Variants in TYW1B observed in about 807,000 individuals in gnomAD.
TYW1B encodes tRNA-yW synthesizing protein 1 homolog B.
A neutral mutation model predicts 86.9 loss-of-function variants in TYW1B; 73 were observed. The ratio of observed to expected loss-of-function variants is 0.84; its 90% CI spans 0.70 to 1.02. The LOEUF (loss-of-function observed/expected upper bound fraction) is 1.02. TYW1B is among the 50% of genes least tolerant of loss of function. The probability of loss-of-function intolerance (pLI) is 0.00; values close to 1 mark genes in which losing one functional copy is unlikely to be tolerated. For synonymous variants in TYW1B, 248 were observed against 292.8 expected (o/e 0.85, Z 1.56); for missense variants, 637 against 827.4 (o/e 0.77, Z 2.82).
chr7:72,631,799 A>G (rs1331297345), intron 11 of TYW1B, among the ~76,000 whole-genome samples: 5 of 152,112 alleles, frequency 3.3e-5, no homozygotes, highest in African/African-American at 1.2e-4. Context: ...AAATGTGCAC[A>G]CAGGGGCCAG....
rs137889372 is a variant in TYW1B at position 72,705,393 on chromosome 7, G to T, written c.1370+8228C>A. Among the ~76,000 whole-genome samples, 1,059 of 152,284 alleles carry T rather than the reference G, an allele frequency of 7.0e-3. 9 individuals are homozygous for T. Among genetic ancestry groups the T allele is most frequent in the African/African-American group, 0.023 (964 of 41,556 alleles). On this transcript the variant is annotated intron_variant, in intron 10 of 13. Coordinates refer to ENST00000620995, the MANE Select transcript of TYW1B (RefSeq NM_001145440.3). ...GGAAAGAGAATAAAGTTCCTACATA[G>T]TTTCAATGAAAAGGTGTTCGAAAGT...
At chr7:72,729,450 T>C (rs1282153688) in intron 8 of TYW1B, among the ~76,000 whole-genome samples, 1 of 152,028 alleles carries the variant, frequency 6.6e-6, no homozygotes, top group Non-Finnish European at 1.5e-5. Flanking sequence ...TGCTAGAGTG[T>C]ATCCTGCCCT....
intron 3 of TYW1B, among the ~76,000 whole-genome samples, chr7:72,812,104 T>C (rs1370670490): frequency 6.6e-6 from 1 of 150,586 alleles, no homozygotes; most frequent in African/African-American, 2.4e-5. Context: ...TTATCCAGAA[T>C]GTTTGGGATG....
intron 11 of TYW1B, among the ~76,000 whole-genome samples, chr7:72,654,770 A>C (rs1324890858): frequency 6.6e-6 from 1 of 152,102 alleles, no homozygotes; most frequent in Admixed American, 6.6e-5. Flanking sequence ...AATCCCAGCT[A>C]CTTGGGAGGC....
chr7:72,702,317 C>G (rs1554452722), intron 10 of TYW1B, among the ~76,000 whole-genome samples: 1 of 152,112 alleles, frequency 6.6e-6, no homozygotes, highest in Non-Finnish European at 1.5e-5. Flanking sequence ...TGAAGGAGTT[C>G]CCACTCTGTT....
At chr7:72,726,370 G>T (rs35871241) in intron 9 of TYW1B, among the ~76,000 whole-genome samples, 114,413 of 147,968 alleles carry the variant, frequency 0.77, 44,332 homozygotes, top group Middle Eastern at 0.8. Context: ...AATTTTTTTT[G>T]TTTTTTTTGA....
chr7:72,787,028 A>G (rs1431796790), intron 6 of TYW1B, among the ~76,000 whole-genome samples: 1 of 151,902 alleles, frequency 6.6e-6, no homozygotes, highest in Non-Finnish European at 1.5e-5. Flanking sequence ...TTGACCCAGT[A>G]TATCAATATG....
In TYW1B at chr7:72,643,320, C is replaced by T. The variant is rs143064783; in HGVS notation, c.1507-14323G>A. ...AATAAGAAACAGGCCGGCCACAGTG[C>T]TCACGGCTGTAATCCCAGCAGTTTG... On this transcript the variant is annotated intron_variant, in intron 11 of 13. Coordinates refer to ENST00000620995, the MANE Select transcript of TYW1B (RefSeq NM_001145440.3). 5.1e-3 allele frequency among the ~76,000 whole-genome samples: 783 copies of T among 152,294 alleles called. 13 individuals carry two copies. The highest frequency in any genetic ancestry group is 0.017 in the African/African-American group (715 of 41,562).
chr7:72,715,387 C>T (rs561875923), intron 9 of TYW1B, among the ~76,000 whole-genome samples: 9 of 152,184 alleles, frequency 5.9e-5, no homozygotes, highest in Non-Finnish European at 1.2e-4. Context: ...AAGGGCTCTC[C>T]GTGTGATTCC....
At chr7:72,621,581 A>C (rs1812216989) in intron 12 of TYW1B, among the ~76,000 whole-genome samples, 1 of 152,212 alleles carries the variant, frequency 6.6e-6, no homozygotes, top group African/African-American at 2.4e-5. Context: ...CCTCTACGCT[A>C]TCTGACCCTG....
At chr7:72,621,891 T>C (rs1351405948) in intron 12 of TYW1B, among the ~76,000 whole-genome samples, 2 of 152,268 alleles carry the variant, frequency 1.3e-5, no homozygotes, top group Non-Finnish European at 2.9e-5. Flanking sequence ...AAACTGACAG[T>C]ATTCCTCACC....
intron 7 of TYW1B, among the ~76,000 whole-genome samples, chr7:72,757,380 A>AC (rs1787610417): frequency 6.6e-6 from 1 of 151,718 alleles, no homozygotes; most frequent in Non-Finnish European, 1.5e-5. Context: ...GAAAAAAAAA[A>AC]AAAAAACCAG....
chr7:72,755,207 C>A (rs1554465770), intron 7 of TYW1B, among the ~76,000 whole-genome samples: 6 of 152,100 alleles, frequency 3.9e-5, no homozygotes, highest in Non-Finnish European at 5.9e-5. Flanking sequence ...CACTTGAGTG[C>A]AGGAGTTCAA....
chr7:72,669,052 T>TA (rs1429142264), intron 11 of TYW1B, among the ~76,000 whole-genome samples: 5 of 147,248 alleles, frequency 3.4e-5, no homozygotes, highest in African/African-American at 1.2e-4. Context: ...TATTATAGTA[T>TA]AAACAAAGTC....
rs1163758178 is a variant in TYW1B at position 72,801,181 on chromosome 7, T to A, written c.846+1219A>T. Among the ~76,000 whole-genome samples the A allele has an allele frequency of 2.0e-5, 3 of 151,902 alleles. No homozygotes were observed. The East Asian group carries it at 5.8e-4, about 29-fold the overall frequency. On this transcript the variant is annotated intron_variant, in intron 6 of 13. Coordinates refer to ENST00000620995, the MANE Select transcript of TYW1B (RefSeq NM_001145440.3). The stretch of plus-strand genomic sequence containing the variant: ...CCGTCTCTACTAAAAATACAAAAAT[T>A]AGCTCAGCGTGGTGGTGTGCACCTG...
chr7:72,604,093 TG>T (rs1337713306), intron 13 of TYW1B, among the ~76,000 whole-genome samples: 9 of 152,156 alleles, frequency 5.9e-5, no homozygotes, highest in Non-Finnish European at 7.4e-5. Context: ...CTAGGGTATA[TG>T]GGAACTCTCT....
rs1455825579 is a variant in TYW1B, at chr7:72,646,409, T to C, written c.1507-17412A>G. Among the ~76,000 whole-genome samples the C allele has an allele frequency of 3.9e-5, 6 of 152,110 alleles. No homozygotes were observed. In the East Asian group the frequency reaches 1.2e-3, roughly 30 times the overall value. On this transcript the variant is annotated intron_variant, in intron 11 of 13. Coordinates refer to ENST00000620995, the MANE Select transcript of TYW1B (RefSeq NM_001145440.3). The stretch of plus-strand genomic sequence containing the variant: ...ATTTTTGAGACAGGGTCTCATTCTG[T>C]TGTGCAGGCTGGAGTGCAGTGGCAC...
chr7:72,727,630 A>G (rs1472907278), intron 9 of TYW1B, among the ~76,000 whole-genome samples: 3 of 152,078 alleles, frequency 2.0e-5, no homozygotes, highest in Non-Finnish European at 2.9e-5. Flanking sequence ...CAGCCTGGGC[A>G]ACATGGCTAG....
At chr7:72,798,867 A>G (rs563185363) in intron 6 of TYW1B, among the ~76,000 whole-genome samples, 1 of 152,320 alleles carries the variant, frequency 6.6e-6, no homozygotes, top group East Asian at 1.9e-4. Context: ...TTCTCTTATT[A>G]TGAGTAAAGT....
Sources: allele counts gnomAD v4.1 joint callset (sites outside exome capture counted in the v4.1 genomes callset), GRCh38; gene constraint gnomAD v4.1.1; transcripts MANE v1.5; gene names NCBI Gene and HGNC (gene_info 2026-07-23, HGNC 2026-07-21).